ABTB2: variants seen among roughly 807,000 people sequenced by gnomAD.
ABTB2 encodes the protein ankyrin repeat and BTB domain containing 2.
In ABTB2, 56 loss-of-function variants were observed where a neutral mutation model predicts 104.1. The ratio of observed to expected loss-of-function variants is 0.54; its 90% confidence interval spans 0.43 to 0.67. ABTB2 has a LOEUF of 0.67. ABTB2 is among the 30% of genes least tolerant of loss of function. The pLI, the probability that ABTB2 is intolerant of heterozygous loss-of-function variation, is 0.00. For missense variants in ABTB2, 1,279 were observed against 1,407.7 expected (o/e 0.91, Z 1.46); for synonymous variants, 606 against 608.2 (o/e 1.00, Z 0.05).
At chr11:34,169,741 C>T (rs533012324) in intron 5 of ABTB2, among the ~76,000 whole-genome samples, 1 of 152,280 alleles carries the variant, frequency 6.6e-6, no homozygotes, top group African/African-American at 2.4e-5. Flanking sequence ...TCCCCAACCC[C>T]TGGCCTGGGT....
intron 3 of ABTB2, 97 bp downstream of exon 3, chr11:34,197,228 C>T (rs947942978): frequency 2.6e-5 from 35 of 1,345,796 alleles, no homozygotes; most frequent in Non-Finnish European, 2.4e-5. Context: ...GCCCCTTCCT[C>T]GCCCTGTTGG....
At chr11:34,160,844 G>C in intron 11 of ABTB2, 59 bp downstream of exon 11, 1 of 1,523,362 alleles carries the variant, frequency 6.6e-7, no homozygotes, top group African/African-American at 1.4e-5. Flanking sequence ...GTCCATCTGT[G>C]TGTCCCGTGG....
chr11:34,207,031 T>A (rs940454517), intron 1 of ABTB2, among the ~76,000 whole-genome samples: 1 of 152,138 alleles, frequency 6.6e-6, no homozygotes, highest in Non-Finnish European at 1.5e-5. Flanking sequence ...AGGGCCCCAG[T>A]CCCTAAAGCA....
intron 3 of ABTB2, among the ~76,000 whole-genome samples, chr11:34,195,932 C>G (rs1055769517): frequency 3.3e-5 from 5 of 152,236 alleles, no homozygotes; most frequent in South Asian, 2.1e-4. Flanking sequence ...TGCAGAGCCC[C>G]TGGGACTTCC....
At chr11:34,326,623 C>T (rs1590257448) in intron 1 of ABTB2, among the ~76,000 whole-genome samples, 2 of 137,366 alleles carry the variant, frequency 1.5e-5, no homozygotes, top group Admixed American at 1.5e-4. Context: ...GAGGGAGACC[C>T]TGTCTCAAAA....
intron 1 of ABTB2, among the ~76,000 whole-genome samples, chr11:34,274,922 G>A (rs1411269730): frequency 1.3e-5 from 2 of 152,152 alleles, no homozygotes; most frequent in Non-Finnish European, 2.9e-5. Context: ...AAGCGGGGGT[G>A]ATGACGTCAG....
intron 3 of ABTB2, among the ~76,000 whole-genome samples, chr11:34,190,335 C>T (rs1239702496): frequency 6.6e-6 from 1 of 150,920 alleles, no homozygotes; most frequent in Non-Finnish European, 1.5e-5. Context: ...CCACCCAGCT[C>T]GTGAGTGGCA....
rs567488191 is a variant in ABTB2 at position 34,249,878 on chromosome 11, G to C, written c.884-45188C>G. ...CTGAAGAAGCCCAGTTCACAGTCCT[G>C]TTCTCACAAAGCTTGTGGCCTGGCT... is the stretch of plus-strand genomic sequence containing the variant. On this transcript the variant is annotated intron_variant, in intron 1 of 16. Coordinates refer to ENST00000435224, the MANE Select transcript of ABTB2 (RefSeq NM_145804.3). 2.4e-3 allele frequency among the ~76,000 whole-genome samples: 368 copies of C among 152,320 alleles called. 2 individuals carry two copies. The highest frequency in any genetic ancestry group is 8.3e-3 in the African/African-American group (347 of 41,560).
intron 1 of ABTB2, among the ~76,000 whole-genome samples, chr11:34,291,978 C>G (rs1226027280): frequency 6.6e-6 from 1 of 151,648 alleles, no homozygotes. Flanking sequence ...GCACTAGGAA[C>G]CTGAATGCAA....
intron 1 of ABTB2, among the ~76,000 whole-genome samples, chr11:34,293,440 G>A (rs983328931): frequency 1.3e-5 from 2 of 152,190 alleles, no homozygotes; most frequent in Non-Finnish European, 2.9e-5. Context: ...AGGCCCCAGG[G>A]TGGAGAGGCC....
At chr11:34,270,957 A>T (rs1175889423) in intron 1 of ABTB2, among the ~76,000 whole-genome samples, 1 of 152,188 alleles carries the variant, frequency 6.6e-6, no homozygotes, top group East Asian at 1.9e-4. Context: ...CTTGTACTAC[A>T]TACCTAAAGT....
chr11:34,166,629 C>T (rs1180235346), intron 7 of ABTB2, among the ~76,000 whole-genome samples: 2 of 152,200 alleles, frequency 1.3e-5, no homozygotes, highest in African/African-American at 4.8e-5. Context: ...GCCATGAAAC[C>T]CTGCGCATGC....
chr11:34,344,771 T>TACAG (rs1265162687), intron 1 of ABTB2, among the ~76,000 whole-genome samples: 4 of 152,218 alleles, frequency 2.6e-5, no homozygotes, highest in Non-Finnish European at 1.5e-5. Flanking sequence ...GTGCTAGGAT[T>TACAG]ACAGGTGTGA....
intron 3 of ABTB2, among the ~76,000 whole-genome samples, chr11:34,179,221 C>A (rs550641620): frequency 7.9e-5 from 12 of 152,166 alleles, no homozygotes; most frequent in Non-Finnish European, 1.8e-4. Flanking sequence ...TCCCATTTGC[C>A]GTCAGAGTGA....
intron 3 of ABTB2, among the ~76,000 whole-genome samples, chr11:34,196,581 C>G (rs1315453999): frequency 6.6e-6 from 1 of 152,166 alleles, no homozygotes; most frequent in Non-Finnish European, 1.5e-5. Flanking sequence ...ATCCTGTCCT[C>G]AGGCTGACAT....
At position 34,152,440 on chromosome 11, in the gene ABTB2, G is replaced by T. The variant is rs761492145; in HGVS notation, c.3025C>A (p.Gln1009Lys). The change falls in exon 17 of 17, where the codon CAG becomes AAG. Residue 1009 changes from glutamine (Q) to lysine (K), a missense_variant. Transcript: ENST00000435224. ...TGCACGCGCTCTGCCAGGGTGTTCT[G>T]CAGGTCCTGCAGTGGATCCAGGCCC... is the stretch of plus-strand genomic sequence containing the variant. ...VQGLDPLQDL[Q>K]NTLAERVHSV... The T allele has an allele frequency of 6.3e-7, 1 of 1,596,808 alleles. No individual in the cohort carries two copies. Among genetic ancestry groups the T allele is most frequent in the South Asian group, 1.1e-5 (1 of 88,174 alleles).
chr11:34,249,305 C>T (rs1854025034), intron 1 of ABTB2, among the ~76,000 whole-genome samples: 1 of 152,188 alleles, frequency 6.6e-6, no homozygotes, highest in Admixed American at 6.5e-5. Context: ...TGAACTGCAA[C>T]TGTGGTCAGT....
rs67998044 is a variant in ABTB2 at position 34,232,449 on chromosome 11, C to CAAAAAAAAAAAAA, written c.884-27772_884-27760dup. On this transcript the variant is annotated intron_variant, in intron 1 of 16. Transcript: ENST00000435224. ...TGGGCAATAGAGGGAGACTCTGTCT[C>CAAAAAAAAAAAAA]AAAAAAAAAAAAAAAAATTGTTCTT... Among the ~76,000 whole-genome samples the CAAAAAAAAAAAAA allele has an allele frequency of 3.0e-3, 343 of 115,270 alleles. 3 individuals are homozygous for CAAAAAAAAAAAAA. Among genetic ancestry groups the CAAAAAAAAAAAAA allele is most frequent in the Non-Finnish European group, 4.6e-3 (247 of 54,008 alleles). The allele number at this position is 115,270 out of a possible 152,430, so 75.6% of individuals were successfully genotyped here. A position where few individuals can be genotyped will look rare whatever the true frequency, so the allele number is the denominator to read the frequency against.
Position 34,357,369 on chromosome 11 carries a change from T to C in ABTB2, c.215A>G (p.Asn72Ser). Reference sequence around the variant, plus strand: ...TTCGGGGTCCTCGGGCAGCACCGTGTTCACCGTGTCCCAGCTGTTGTGGCG... The same window carrying C: ...TTCGGGGTCCTCGGGCAGCACCGTGCTCACCGTGTCCCAGCTGTTGTGGCG... ...NSRHNSWDTV[N>S]TVLPEDPEVA... Residue 72 changes from asparagine (N) to serine (S), a missense_variant, in exon 1 of 17, where the codon AAC becomes AGC. By Grantham distance (46) the Asn-to-Ser change is conservative. Coordinates refer to ENST00000435224, the MANE Select transcript of ABTB2 (RefSeq NM_145804.3). 6.5e-7 allele frequency: 1 copy of C among 1,542,022 alleles called. No individual in the cohort carries two copies. The highest frequency in any genetic ancestry group is 8.8e-7 in the Non-Finnish European group (1 of 1,140,852).
Sources: gnomAD v4.1 joint callset for allele counts (sites outside exome capture counted in the v4.1 genomes callset) on GRCh38, gnomAD v4.1.1 for gene constraint, MANE v1.5 for transcripts, NCBI Gene and HGNC (gene_info 2026-07-23, HGNC 2026-07-21) for gene names.